The following PAM variants were observed in gnomAD, a reference collection of about 807,000 sequenced individuals.
PAM encodes the protein peptidylglycine alpha-amidating monooxygenase.
A neutral mutation model predicts 122.1 loss-of-function variants in PAM; 72 were observed. That is an observed-to-expected ratio of 0.59 (90% CI 0.49 to 0.72). The LOEUF is 0.72. Ranked by LOEUF, PAM falls within the 30% of genes least tolerant of loss-of-function variation. The pLI is 0.00. For synonymous variants in PAM, 389 were observed against 404.4 expected (o/e 0.96, Z 0.46); for missense variants, 1,106 against 1,183.7 (o/e 0.93, Z 0.96).
At chr5:102,893,006 G>A (rs1795190442) in intron 3 of PAM, among the ~76,000 whole-genome samples, 1 of 151,714 alleles carries the variant, frequency 6.6e-6, no homozygotes, top group African/African-American at 2.4e-5. Flanking sequence ...TTACACCTGT[G>A]ACCTCTGGGT....
At chr5:102,965,872 A>G (rs1363341222) in intron 14 of PAM, among the ~76,000 whole-genome samples, 1 of 152,084 alleles carries the variant, frequency 6.6e-6, no homozygotes, top group Non-Finnish European at 1.5e-5. Context: ...TCAAATAAGC[A>G]GAATCAAGGG....
intron 1 of PAM, among the ~76,000 whole-genome samples, chr5:102,834,528 G>A (rs1223589372): frequency 6.6e-6 from 1 of 152,162 alleles, no homozygotes; most frequent in Non-Finnish European, 1.5e-5. Context: ...TAGAGGGGGA[G>A]TTGGGATGCC....
intron 1 of PAM, among the ~76,000 whole-genome samples, chr5:102,809,613 C>T (rs940420286): frequency 1.3e-5 from 2 of 152,108 alleles, no homozygotes; most frequent in African/African-American, 4.8e-5. Context: ...CTAAAATTTG[C>T]ATTTTGTTTC....
Position 103,029,095 on chromosome 5 carries a change from AT to A in PAM, c.*33del, listed in dbSNP as rs1785845418. ...CAAGCTTTGATTTAGATTGAGTAAG[AT>A]TTACCCAGAATGTCAGATTCCTTTC... On this transcript the variant is annotated 3_prime_UTR_variant, in exon 26 of 26. Coordinates refer to ENST00000438793, the MANE Select transcript of PAM (RefSeq NM_001177306.2). The A allele has an allele frequency of 1.3e-6, 2 of 1,564,110 alleles. No homozygotes were observed. Among genetic ancestry groups the A allele is most frequent in the Non-Finnish European group, 1.7e-6 (2 of 1,151,490 alleles).
At chr5:102,884,977 A>G (rs1792490767) in intron 3 of PAM, among the ~76,000 whole-genome samples, 1 of 151,884 alleles carries the variant, frequency 6.6e-6, no homozygotes, top group African/African-American at 2.4e-5. Context: ...CCATGGCAAC[A>G]TCGATTTACA....
intron 16 of PAM, among the ~76,000 whole-genome samples, chr5:103,002,498 G>T (rs1209272498): frequency 6.6e-6 from 1 of 151,954 alleles, no homozygotes; most frequent in African/African-American, 2.4e-5. Context: ...TAAATACTTT[G>T]AACATCCTCT....
intron 18 of PAM, 91 bp downstream of exon 18, chr5:103,005,317 G>A: frequency 7.7e-6 from 6 of 782,226 alleles, no homozygotes; most frequent in Non-Finnish European, 1.3e-5. Flanking sequence ...TTGTTTGTTT[G>A]TTTTTTCTTC....
chr5:102,974,079 A>G lies in PAM; in HGVS notation c.1163-37A>G, dbSNP rs768567228. The G allele has an allele frequency of 4.8e-6, 7 of 1,454,380 alleles. No homozygotes were observed. The South Asian group carries it at 8.8e-5, about 18-fold the overall frequency. 90.1% of individuals were successfully genotyped at this position (1,454,380 alleles called of 1,614,324 possible). A position where few individuals can be genotyped will look rare whatever the true frequency, so the allele number is the denominator to read the frequency against. On this transcript the variant is annotated intron_variant, in intron 14 of 25. Transcript: ENST00000438793. ...TTTTGTAAATTTTGCAATCTTATCT[A>G]CCCTCCACGCCCTTATCTCTTCTCT...
intron 1 of PAM, among the ~76,000 whole-genome samples, chr5:102,782,486 G>C (rs1759247038): frequency 6.6e-6 from 1 of 152,138 alleles, no homozygotes; most frequent in Non-Finnish European, 1.5e-5. Flanking sequence ...AAAAAACTTG[G>C]CTCTTGTTTT....
intron 5 of PAM, among the ~76,000 whole-genome samples, chr5:102,920,827 C>T (rs990022485): frequency 6.0e-5 from 9 of 150,894 alleles, no homozygotes; most frequent in African/African-American, 1.7e-4. Flanking sequence ...AAAGAAGAAA[C>T]GAGTTATCAG....
In PAM at chr5:103,009,871, T is replaced by C; in HGVS notation, c.2331+5T>C. The C allele has an allele frequency of 1.4e-6, 2 of 1,428,858 alleles. No homozygotes were observed. The highest frequency in any genetic ancestry group is 1.9e-6 in the Non-Finnish European group (2 of 1,026,406). The allele number at this position is 1,428,858 out of a possible 1,614,324, so 88.5% of individuals were successfully genotyped here. The stretch of plus-strand genomic sequence containing the variant: ...ATCTTCAAGCCAGTGCGCAAGGTAT[T>C]TACACACATTGTCTAGGTTTCAATT... On this transcript the variant is annotated splice_donor_5th_base_variant and intron_variant, in intron 21 of 25. Transcript: ENST00000438793.
In PAM at chr5:103,017,473, G is replaced by A. The variant is rs1357233734; in HGVS notation, c.2431+40G>A. Reference sequence around the variant, plus strand: ...GTATTATTGTTCACATTTTCCCTCAGTTTGATTGCTTAAAAGCATATGAAA... The same window carrying A: ...GTATTATTGTTCACATTTTCCCTCAATTTGATTGCTTAAAAGCATATGAAA... On this transcript the variant is annotated intron_variant, in intron 22 of 25. Coordinates refer to ENST00000438793, the MANE Select transcript of PAM (RefSeq NM_001177306.2). 2.5e-6 allele frequency: 3 copies of A among 1,213,342 alleles called. No homozygotes were observed. The South Asian group carries it at 3.7e-5, about 15-fold the overall frequency. 75.2% of individuals were successfully genotyped at this position (1,213,342 alleles called of 1,614,324 possible). A position where few individuals can be genotyped will look rare whatever the true frequency, so the allele number is the denominator to read the frequency against.
intron 1 of PAM, among the ~76,000 whole-genome samples, chr5:102,781,159 A>G (rs1386307694): frequency 6.6e-6 from 1 of 152,188 alleles, no homozygotes; most frequent in Non-Finnish European, 1.5e-5. Flanking sequence ...AGATATTGCT[A>G]ACATTTTTGG....
intron 20 of PAM, among the ~76,000 whole-genome samples, chr5:103,008,168 A>G (rs142723169): frequency 0.017 from 2,578 of 150,484 alleles, 64 homozygotes; most frequent in African/African-American, 0.061. Context: ...CTTGACTCTA[A>G]GAAAATCTGA....
At chr5:102,812,275 C>T (rs145391757) in intron 1 of PAM, among the ~76,000 whole-genome samples, 7 of 152,224 alleles carry the variant, frequency 4.6e-5, no homozygotes, top group Non-Finnish European at 1.0e-4. Context: ...TTATTGTTCA[C>T]ATCCTGTGTT....
intron 1 of PAM, among the ~76,000 whole-genome samples, chr5:102,785,709 A>G (rs148129192): frequency 8.4e-4 from 128 of 152,298 alleles, no homozygotes; most frequent in Non-Finnish European, 1.5e-3. Flanking sequence ...TAGAAAGTGT[A>G]AGTTGGGGGA....
intron 15 of PAM, among the ~76,000 whole-genome samples, chr5:102,976,238 T>G (rs1043424152): frequency 2.4e-4 from 37 of 152,110 alleles, no homozygotes; most frequent in African/African-American, 8.4e-4. Context: ...TTTTAAAAAA[T>G]AAAATGCAAA....
chr5:103,008,732 G>A (rs963688259), intron 20 of PAM, among the ~76,000 whole-genome samples: 2 of 152,114 alleles, frequency 1.3e-5, no homozygotes, highest in African/African-American at 2.4e-5. Flanking sequence ...AGTAATAAGA[G>A]GTTCTCACAA....
At chr5:102,804,172 C>G (rs1765619659) in intron 1 of PAM, among the ~76,000 whole-genome samples, 1 of 152,108 alleles carries the variant, frequency 6.6e-6, no homozygotes, top group African/African-American at 2.4e-5. Context: ...ATCAGGAGGT[C>G]TCTCTGGTAA....
Sources: allele counts gnomAD v4.1 joint callset (sites outside exome capture counted in the v4.1 genomes callset), GRCh38; gene constraint gnomAD v4.1.1; transcripts MANE v1.5; gene names NCBI Gene and HGNC (gene_info 2026-07-23, HGNC 2026-07-21).